Variants in COX5A observed in about 807,000 individuals in gnomAD.
The protein encoded by COX5A is cytochrome c oxidase subunit 5A, mitochondrial.
Under a neutral mutation model 16.1 loss-of-function variants are expected in COX5A, and 6 were observed. That is an observed-to-expected ratio of 0.37 (90% CI 0.20 to 0.73). COX5A has a LOEUF of 0.73. Among genes scored for constraint, COX5A ranks in the 30% least tolerant of loss-of-function variants. The pLI, the probability that COX5A is intolerant of heterozygous loss-of-function variation, is 0.50. For missense variants in COX5A, 159 were observed against 194.9 expected, an observed-to-expected ratio of 0.82 and a Z score of 1.10; for synonymous variants, 73 against 73.8, an observed-to-expected ratio of 0.99 and a Z score of 0.06.
Position 74,926,132 on chromosome 15 carries a change from C to T in COX5A, c.339+634G>A, listed in dbSNP as rs541762106. ...TTGGCTCACTGCAAGCTTTGCCTCC[C>T]GGGTTCACGCCATTCTCCCGCCTCA... On this transcript the variant is annotated intron_variant, in intron 3 of 4. Transcript: ENST00000322347. 2.0e-3 allele frequency among the ~76,000 whole-genome samples: 306 copies of T among 151,506 alleles called. 2 individuals are homozygous for T. Among genetic ancestry groups the T allele is most frequent in the African/African-American group, 6.4e-3 (264 of 41,294 alleles).
chr15:74,928,527 G>T (rs1335915755), intron 2 of COX5A, among the ~76,000 whole-genome samples: 6 of 152,034 alleles, frequency 3.9e-5, no homozygotes, highest in African/African-American at 1.4e-4. Context: ...TGTGACTACA[G>T]GCGCCCGCCA....
chr15:74,926,051 T>A (rs2065341735), intron 3 of COX5A, among the ~76,000 whole-genome samples: 1 of 144,610 alleles, frequency 6.9e-6, no homozygotes, highest in Admixed American at 6.9e-5. Context: ...TTTTTTTTTT[T>A]TTTTTTGAGA....
chr15:74,922,011 G>A (rs1192440456), intron 4 of COX5A, among the ~76,000 whole-genome samples: 1 of 152,124 alleles, frequency 6.6e-6, no homozygotes, highest in Non-Finnish European at 1.5e-5. Context: ...AACATAGTGA[G>A]ACTCTGTCTC....
intron 4 of COX5A, among the ~76,000 whole-genome samples, chr15:74,920,823 A>G (rs1357825374): frequency 6.6e-6 from 1 of 151,942 alleles, no homozygotes; most frequent in Non-Finnish European, 1.5e-5. Context: ...ACTAAAATAC[A>G]AAAAATTAGC....
At position 74,920,046 on chromosome 15, in the gene COX5A, C is replaced by A; in HGVS notation, c.*406G>T. The A allele has an allele frequency of 3.2e-6, 1 of 310,338 alleles. No homozygotes were observed. The highest frequency in any genetic ancestry group is 5.8e-6 in the Non-Finnish European group (1 of 171,468). 19.2% of individuals were successfully genotyped at this position (310,338 alleles called of 1,614,324 possible). A position where few individuals can be genotyped will look rare whatever the true frequency, so the allele number is the denominator to read the frequency against. On this transcript the variant is annotated 3_prime_UTR_variant, in exon 5 of 5. Coordinates refer to ENST00000322347, the MANE Select transcript of COX5A (RefSeq NM_004255.4). ...GATCTATCCCCACAGACAACCAGTC[C>A]CCTAAGCCTAGGGTGTCAACAAGAA...
At chr15:74,928,077 T>C (rs993029623) in intron 2 of COX5A, among the ~76,000 whole-genome samples, 1 of 152,232 alleles carries the variant, frequency 6.6e-6, no homozygotes, top group South Asian at 2.1e-4. Flanking sequence ...CTATTGGTTG[T>C]AGCAAAAGGG....
At chr15:74,933,182 G>A (rs1288879760) in intron 1 of COX5A, among the ~76,000 whole-genome samples, 3 of 152,066 alleles carry the variant, frequency 2.0e-5, no homozygotes, top group African/African-American at 7.2e-5. Context: ...GGGAGGCTGA[G>A]GCAGGCAGAT....
intron 1 of COX5A, among the ~76,000 whole-genome samples, chr15:74,932,263 A>C (rs1355941291): frequency 1.3e-5 from 2 of 152,176 alleles, no homozygotes; most frequent in Non-Finnish European, 2.9e-5. Flanking sequence ...CACATTTCCT[A>C]CTACCTGTAT....
chr15:74,937,715 T>C, intron 1 of COX5A, 200 bp downstream of exon 1: 1 of 373,634 alleles, frequency 2.7e-6, no homozygotes, highest in Non-Finnish European at 4.7e-6. Context: ...GCCAGGAAGT[T>C]GCGCGGGGGG....
Position 74,930,514 on chromosome 15 carries a change from C to A in COX5A, c.101-1282G>T, listed in dbSNP as rs796287512. On this transcript the variant is annotated intron_variant, in intron 1 of 4. Coordinates refer to ENST00000322347, the MANE Select transcript of COX5A (RefSeq NM_004255.4). ...AGCAATACTAATGTCCATTCAAGTT[C>A]TTTTTTTTGAGACAGGCTCTCGCTC... is the stretch of plus-strand genomic sequence containing the variant. Among the ~76,000 whole-genome samples, 6 of 147,242 alleles carry A rather than the reference C, an allele frequency of 4.1e-5. No homozygotes were observed. In the South Asian group the frequency reaches 1.1e-3, roughly 27 times the overall value.
intron 1 of COX5A, among the ~76,000 whole-genome samples, chr15:74,936,042 G>A (rs2065388419): frequency 6.6e-6 from 1 of 151,984 alleles, no homozygotes. Flanking sequence ...TGTAATCCCA[G>A]CACTTTGGGA....
chr15:74,929,748 A>G (rs540099721), intron 1 of COX5A, among the ~76,000 whole-genome samples: 2 of 152,292 alleles, frequency 1.3e-5, no homozygotes, highest in Admixed American at 1.3e-4. Flanking sequence ...TAGCCATTGC[A>G]TTCCAGCCTG....
chr15:74,923,942 G>C (rs547941666), intron 3 of COX5A, among the ~76,000 whole-genome samples, 172 bp from the exon 4 acceptor site: 1 of 152,336 alleles, frequency 6.6e-6, no homozygotes, highest in East Asian at 1.9e-4. Flanking sequence ...CACTTTGGGA[G>C]GCTGAGGCGG....
At chr15:74,922,049 A>G (rs1289219565) in intron 4 of COX5A, among the ~76,000 whole-genome samples, 1 of 151,698 alleles carries the variant, frequency 6.6e-6, no homozygotes, top group Non-Finnish European at 1.5e-5. Flanking sequence ...TAAATAAATT[A>G]AACAAAAACA....
At position 74,936,310 on chromosome 15, in the gene COX5A, CAAACAAAA is replaced by C. The variant is rs1020072305; in HGVS notation, c.100+1597_100+1604del. On this transcript the variant is annotated intron_variant, in intron 1 of 4. Coordinates refer to ENST00000322347, the MANE Select transcript of COX5A (RefSeq NM_004255.4). The stretch of plus-strand genomic sequence containing the variant: ...ACAAAACAAAACAAAAACAAACAAA[CAAACAAAA>C]AAAAACAAGGAGTCAGTTTCCCAAG... Among the ~76,000 whole-genome samples, 82 of 147,070 alleles carry C rather than the reference CAAACAAAA, an allele frequency of 5.6e-4. 1 individual carries two copies. Among genetic ancestry groups the C allele is most frequent in the East Asian group, 5.4e-3 (25 of 4,672 alleles).
rs1049047555 is a variant in COX5A at position 74,938,046 on chromosome 15, G to A, written c.-32C>T. The A allele has an allele frequency of 1.2e-5, 15 of 1,212,920 alleles. No individual in the cohort carries two copies. In the East Asian group the frequency reaches 3.2e-4, roughly 26 times the overall value. 75.1% of individuals were successfully genotyped at this position (1,212,920 alleles called of 1,614,324 possible). A position where few individuals can be genotyped will look rare whatever the true frequency, so the allele number is the denominator to read the frequency against. The stretch of plus-strand genomic sequence containing the variant: ...GATGGCGGCGCGCGGGCTGAGGACA[G>A]AGAGAAGCCGGTGTAAGCTCGCGGG... On this transcript the variant is annotated 5_prime_UTR_variant, in exon 1 of 5. Transcript: ENST00000322347.
chr15:74,930,718 A>T (rs1216285377), intron 1 of COX5A, among the ~76,000 whole-genome samples: 2 of 141,260 alleles, frequency 1.4e-5, no homozygotes, highest in African/African-American at 2.6e-5. Flanking sequence ...TTCACACATT[A>T]AAAAAAAAAA....
intron 4 of COX5A, among the ~76,000 whole-genome samples, chr15:74,923,133 GA>G (rs1162616500): frequency 6.6e-5 from 10 of 151,832 alleles, no homozygotes; most frequent in Non-Finnish European, 1.2e-4. Flanking sequence ...CTACCAGTAA[GA>G]AAATAATGAT....
At chr15:74,922,384 C>CAAA (rs200528837) in intron 4 of COX5A, among the ~76,000 whole-genome samples, 1 of 71,808 alleles carries the variant, frequency 1.4e-5, no homozygotes, top group Non-Finnish European at 2.9e-5. Context: ...GACTCCGTCT[C>CAAA]AAAAAAAAAA....
Sources: gnomAD v4.1 joint callset for allele counts (sites outside exome capture counted in the v4.1 genomes callset) on GRCh38, gnomAD v4.1.1 for gene constraint, MANE v1.5 for transcripts, NCBI Gene and HGNC (gene_info 2026-07-23, HGNC 2026-07-21) for gene names.